The following MALRD1 variants were observed in gnomAD, a reference collection of about 807,000 sequenced individuals.
MALRD1 encodes MAM and LDL-receptor class A domain-containing protein 1.
Under a neutral mutation model 242.1 loss-of-function variants are expected in MALRD1, and 247 were observed. The ratio of observed to expected loss-of-function variants is 1.02; its 90% confidence interval spans 0.92 to 1.13. The LOEUF is 1.13. Among genes scored for constraint, MALRD1 ranks in the 50% most tolerant of loss-of-function variants. The pLI is 0.00. For synonymous variants in MALRD1, 995 were observed against 866.6 expected (o/e 1.15, Z -2.60); for missense variants, 2,989 against 2,533.1 (o/e 1.18, Z -3.86).
intron 21 of MALRD1, among the ~76,000 whole-genome samples, chr10:19,316,516 A>T (rs765266726): frequency 2.0e-5 from 3 of 151,926 alleles, no homozygotes; most frequent in Non-Finnish European, 4.4e-5. Flanking sequence ...CCACACCAGA[A>T]CTCTGATTGG....
At chr10:19,358,854 A>C (rs1028985745) in intron 26 of MALRD1, among the ~76,000 whole-genome samples, 1 of 152,104 alleles carries the variant, frequency 6.6e-6, no homozygotes, top group Non-Finnish European at 1.5e-5. Flanking sequence ...TTTCTTCCTC[A>C]TGTTCTATTC....
At chr10:19,552,122 G>C (rs1835498844) in intron 32 of MALRD1, among the ~76,000 whole-genome samples, 1 of 152,092 alleles carries the variant, frequency 6.6e-6, no homozygotes, top group Non-Finnish European at 1.5e-5. Context: ...AGTTAGAGAG[G>C]AGTCCCTCCT....
chr10:19,576,752 T>C (rs909172118), intron 33 of MALRD1, among the ~76,000 whole-genome samples: 1 of 152,154 alleles, frequency 6.6e-6, no homozygotes, highest in Non-Finnish European at 1.5e-5. Context: ...TTATCTCCTC[T>C]TGTGTAAATC....
In MALRD1 at chr10:19,227,683, G is replaced by A. The variant is rs186860633; in HGVS notation, c.2991+18003G>A. ...AATGAAAAGGCAAACCACAGATTGG[G>A]ACAGAATAATTTTAAATATGTCTGA... On this transcript the variant is annotated intron_variant, in intron 18 of 39. Transcript: ENST00000454679. Among the ~76,000 whole-genome samples, 104 of 152,066 alleles carry A rather than the reference G, an allele frequency of 6.8e-4. 2 individuals carry two copies. The highest frequency in any genetic ancestry group is 1.7e-3 in the South Asian group (8 of 4,824).
chr10:19,127,391 G>A (rs1003865662), intron 7 of MALRD1, among the ~76,000 whole-genome samples: 4 of 152,094 alleles, frequency 2.6e-5, no homozygotes, highest in African/African-American at 7.2e-5. Flanking sequence ...ATCATATTAT[G>A]CTTAGTATTT....
At chr10:19,593,514 A>G (rs757453385) in intron 33 of MALRD1, among the ~76,000 whole-genome samples, 5 of 152,240 alleles carry the variant, frequency 3.3e-5, no homozygotes, top group Non-Finnish European at 5.9e-5. Context: ...AAATGTCAAG[A>G]AAACAAACCA....
intron 33 of MALRD1, among the ~76,000 whole-genome samples, chr10:19,594,524 A>G (rs1837978413): frequency 6.6e-6 from 1 of 152,190 alleles, no homozygotes; most frequent in Non-Finnish European, 1.5e-5. Context: ...TGAAAAAGAC[A>G]CATCCTTATG....
chr10:19,467,946 A>G (rs897704196), intron 29 of MALRD1, among the ~76,000 whole-genome samples: 4 of 152,064 alleles, frequency 2.6e-5, no homozygotes, highest in African/African-American at 9.7e-5. Flanking sequence ...GGCATGTGCC[A>G]CCATGCCCAG....
intron 38 of MALRD1, among the ~76,000 whole-genome samples, chr10:19,696,681 C>T (rs1833391986): frequency 6.6e-6 from 1 of 151,652 alleles, no homozygotes; most frequent in Admixed American, 6.6e-5. Context: ...CCAAGATGGG[C>T]AGATCACTTG....
chr10:19,172,057 CATATATGTGATAT>C (rs1835029121), intron 13 of MALRD1, among the ~76,000 whole-genome samples: 1 of 46,496 alleles, frequency 2.2e-5, no homozygotes, highest in Non-Finnish European at 3.9e-5. Flanking sequence ...TCATATATCA[CATATATGTGATAT>C]ATATCATATA....
At chr10:19,134,374 A>G (rs1367073725) in intron 9 of MALRD1, among the ~76,000 whole-genome samples, 1 of 152,266 alleles carries the variant, frequency 6.6e-6, no homozygotes, top group Non-Finnish European at 1.5e-5. Flanking sequence ...TGAAACATAC[A>G]TAGGCTCAAT....
intron 36 of MALRD1, among the ~76,000 whole-genome samples, chr10:19,660,101 T>C (rs928863250): frequency 3.3e-5 from 5 of 152,140 alleles, no homozygotes; most frequent in African/African-American, 7.2e-5. Flanking sequence ...GAGAGAAAAG[T>C]ACACCCTTGT....
intron 29 of MALRD1, among the ~76,000 whole-genome samples, chr10:19,469,460 T>C (rs1156957745): frequency 6.6e-6 from 1 of 152,174 alleles, no homozygotes; most frequent in African/African-American, 2.4e-5. Flanking sequence ...CAAAATTGTA[T>C]GCTTGCTCTT....
intron 21 of MALRD1, among the ~76,000 whole-genome samples, chr10:19,297,756 A>G (rs1841775079): frequency 6.6e-6 from 1 of 151,900 alleles, no homozygotes; most frequent in Non-Finnish European, 1.5e-5. Context: ...GTGTCATTTA[A>G]AACAAAGTAA....
rs1015902172 is a variant in MALRD1, at chr10:19,498,549, C to T, written c.5223C>T (p.Ala1741=). 4 of 1,550,132 alleles carry T rather than the reference C, an allele frequency of 2.6e-6. No homozygotes were observed. In the African/African-American group the frequency reaches 4.1e-5, roughly 16 times the overall value. The change falls in exon 31 of 40, where the codon GCC becomes GCT. Residue 1741 remains alanine (A), a synonymous_variant. Transcript: ENST00000454679. ...CAAGTTCAGGAAACTGGACCACAGC[C>T]TGCAGTCTTACTCAAGACTCTGAGG... ...FETSSGNWTT[A]CSLTQDSEDD...
chr10:19,551,965 T>C (rs972703904), intron 32 of MALRD1, among the ~76,000 whole-genome samples: 1 of 152,176 alleles, frequency 6.6e-6, no homozygotes, highest in African/African-American at 2.4e-5. Context: ...AAATACACTT[T>C]TTGATGTGCT....
chr10:19,628,021 A>G (rs1324890179), intron 36 of MALRD1, among the ~76,000 whole-genome samples: 1 of 152,112 alleles, frequency 6.6e-6, no homozygotes, highest in Non-Finnish European at 1.5e-5. Flanking sequence ...AGGAAAATAA[A>G]TGGTCAACAC....
chr10:19,357,499 T>G (rs1844690280), intron 26 of MALRD1, among the ~76,000 whole-genome samples: 1 of 152,192 alleles, frequency 6.6e-6, no homozygotes, highest in African/African-American at 2.4e-5. Flanking sequence ...TTTCTTTTAT[T>G]TGCTTTGGCA....
chr10:19,221,974 G>C (rs1479342211), intron 18 of MALRD1, among the ~76,000 whole-genome samples: 1 of 152,054 alleles, frequency 6.6e-6, no homozygotes, highest in Non-Finnish European at 1.5e-5. Flanking sequence ...TGCAAGAATG[G>C]GTAAGAAAAA....
Sources: allele counts gnomAD v4.1 joint callset (sites outside exome capture counted in the v4.1 genomes callset), GRCh38; gene constraint gnomAD v4.1.1; transcripts MANE v1.5; gene names NCBI Gene and HGNC (gene_info 2026-07-23, HGNC 2026-07-21).